ACAD9: variants seen among roughly 807,000 people sequenced by gnomAD.
The protein encoded by ACAD9 is acyl-CoA dehydrogenase family member 9.
In ACAD9, 53 loss-of-function variants were observed where a neutral mutation model predicts 70.2. The observed-to-expected ratio is 0.75, with a 90% CI of 0.61 to 0.95. The LOEUF (loss-of-function observed/expected upper bound fraction) is 0.95, where lower values mean the gene tolerates loss of function less well. ACAD9 is among the 40% of genes least tolerant of loss of function. The pLI is 0.00. For missense variants in ACAD9, 777 were observed against 802.8 expected, an observed-to-expected ratio of 0.97 and a Z score of 0.39; for synonymous variants, 313 against 312.1, an observed-to-expected ratio of 1.00 and a Z score of -0.03.
chr3:128,891,965 A>C lies in ACAD9; in HGVS notation c.245-1590A>C, dbSNP rs189722425. On this transcript the variant is annotated intron_variant, in intron 2 of 17. Transcript: ENST00000308982. ...ACCCATACAGTGAATACTGAACAACAAAAAGTAATGAAGTATTTATACACG... is the reference window on the plus strand; with the variant it reads ...ACCCATACAGTGAATACTGAACAACCAAAAGTAATGAAGTATTTATACACG... 3.4e-3 allele frequency among the ~76,000 whole-genome samples: 518 copies of C among 152,374 alleles called. 4 individuals carry two copies. Among genetic ancestry groups the C allele is most frequent in the African/African-American group, 0.012 (497 of 41,580 alleles).
intron 6 of ACAD9, among the ~76,000 whole-genome samples, chr3:128,899,056 C>T (rs1347150688): frequency 6.6e-6 from 1 of 152,090 alleles, no homozygotes; most frequent in Non-Finnish European, 1.5e-5. Context: ...CTTTCCCCCG[C>T]CCCCGCCTCC....
intron 14 of ACAD9, 115 bp downstream of exon 14, chr3:128,909,214 C>T (rs766651612): frequency 6.3e-7 from 1 of 1,594,604 alleles, no homozygotes; most frequent in Non-Finnish European, 8.6e-7. Flanking sequence ...AGTTGGGGAA[C>T]ACCAGCTAGT....
intron 3 of ACAD9, among the ~76,000 whole-genome samples, chr3:128,894,712 T>C (rs1276146698): frequency 6.6e-6 from 1 of 151,890 alleles, no homozygotes; most frequent in East Asian, 1.9e-4. Context: ...ATTTTTTTTA[T>C]TTTGTAGAGC....
In ACAD9 at chr3:128,903,930, G is replaced by C. The variant is rs140982318; in HGVS notation, c.959-132G>C. 4.8e-3 allele frequency: 4,386 copies of C among 923,212 alleles called. 17 individuals carry two copies. Among genetic ancestry groups the C allele is most frequent in the Admixed American group, 9.2e-3 (464 of 50,218 alleles). 57.2% of individuals were successfully genotyped at this position (923,212 alleles called of 1,614,324 possible). ...TGGCAAGTGGGGGTGCCAGCTTCTG[G>C]GGTATTTGACCTCAGCAGACACGCT... On this transcript the variant is annotated intron_variant, in intron 9 of 17. Transcript: ENST00000308982.
intron 7 of ACAD9, among the ~76,000 whole-genome samples, chr3:128,900,369 C>T (rs961228380): frequency 1.3e-5 from 2 of 152,210 alleles, no homozygotes; most frequent in African/African-American, 4.8e-5. Flanking sequence ...TCCCGAATAG[C>T]TGGGACTACA....
chr3:128,910,661 G>C, intron 16 of ACAD9, 80 bp from the exon 17 acceptor site: 1 of 1,238,092 alleles, frequency 8.1e-7, no homozygotes, highest in Non-Finnish European at 1.2e-6. Flanking sequence ...ACCCAGTTTG[G>C]CTGATAGGCT....
rs545252038 is a variant in ACAD9, at chr3:128,883,246, C to T, written c.151-1407C>T. Among the ~76,000 whole-genome samples the T allele has an allele frequency of 3.0e-3, 463 of 151,818 alleles. 1 individual carries two copies. Among genetic ancestry groups the T allele is most frequent in the African/African-American group, 0.011 (440 of 41,398 alleles). On this transcript the variant is annotated intron_variant, in intron 1 of 17. Coordinates refer to ENST00000308982, the MANE Select transcript of ACAD9 (RefSeq NM_014049.5). ...CTGGAACTACAGGCGTGTGCAACCA[C>T]GCCCAGGCTGGTTTTGAACTCCTGG...
At chr3:128,896,403 C>G in intron 4 of ACAD9, 33 bp from the exon 5 acceptor site, 1 of 1,597,092 alleles carries the variant, frequency 6.3e-7, no homozygotes, top group Non-Finnish European at 8.6e-7. Context: ...TTTCTCCCCA[C>G]AGCTGACATT....
chr3:128,909,417 G>T lies in ACAD9; in HGVS notation c.1559G>T (p.Gly520Val). Reference sequence around the variant, plus strand: ...GTGGAGACACTGCTGCTCCGCTTTGGCAAGGTAACCAGGCCCTCCCAGGCC... The same window carrying T: ...GTGGAGACACTGCTGCTCCGCTTTGTCAAGGTAACCAGGCCCTCCCAGGCC... ...RTVETLLLRFGKTIMEEQLVL... is the reference protein window; with the variant it reads ...RTVETLLLRFVKTIMEEQLVL... Residue 520 changes from glycine (G) to valine (V), a missense_variant, in exon 15 of 18, where the codon GGC (glycine) becomes GTC (valine). Physicochemically the swap from Gly to Val is moderately radical, Grantham distance 109. Coordinates refer to ENST00000308982, the MANE Select transcript of ACAD9 (RefSeq NM_014049.5). 1 of 1,614,068 alleles carries T rather than the reference G, an allele frequency of 6.2e-7. No individual in the cohort carries two copies. Among genetic ancestry groups the T allele is most frequent in the Non-Finnish European group, 8.5e-7 (1 of 1,180,048 alleles).
chr3:128,906,401 A>C, intron 12 of ACAD9, 152 bp downstream of exon 12: 1 of 1,214,446 alleles, frequency 8.2e-7, no homozygotes. Flanking sequence ...CTCCTTCCCG[A>C]CTGCTGCCCT....
In ACAD9 at chr3:128,910,646, A is replaced by G. The variant is rs186722660; in HGVS notation, c.1693-95A>G. ...TGTGCCAGGCCTTGTGACCCCTGCC[A>G]TGCTACCCAGTTTGGCTGATAGGCT... On this transcript the variant is annotated intron_variant, in intron 16 of 17. Coordinates refer to ENST00000308982, the MANE Select transcript of ACAD9 (RefSeq NM_014049.5). 9 of 1,359,974 alleles carry G rather than the reference A, an allele frequency of 6.6e-6. No homozygotes were observed. The Admixed American group carries it at 6.8e-5, about 10-fold the overall frequency. 84.2% of individuals were successfully genotyped at this position (1,359,974 alleles called of 1,614,324 possible).
intron 2 of ACAD9, among the ~76,000 whole-genome samples, chr3:128,886,782 G>GA (rs1407385646): frequency 1.3e-5 from 2 of 150,812 alleles, no homozygotes; most frequent in Non-Finnish European, 2.9e-5. Flanking sequence ...GACATTGGTT[G>GA]AAAGTTATGC....
chr3:128,904,634 C>G, intron 11 of ACAD9, 129 bp downstream of exon 11: 2 of 1,459,984 alleles, frequency 1.4e-6, no homozygotes, highest in East Asian at 2.5e-5. Flanking sequence ...TTATGATGCA[C>G]TTGCCCTGTG....
chr3:128,905,167 A>G (rs1340882459), intron 11 of ACAD9, among the ~76,000 whole-genome samples: 2 of 152,120 alleles, frequency 1.3e-5, no homozygotes, highest in Non-Finnish European at 2.9e-5. Flanking sequence ...ACAAAAAACA[A>G]AAAACATGTA....
chr3:128,909,115 A>G lies in ACAD9; in HGVS notation c.1485+16A>G. The G allele has an allele frequency of 6.2e-7, 1 of 1,613,796 alleles. No individual in the cohort carries two copies. The highest frequency in any genetic ancestry group is 8.5e-7 in the Non-Finnish European group (1 of 1,179,976). On this transcript the variant is annotated intron_variant, in intron 14 of 17. Transcript: ENST00000308982. ...CAGTCTTGCGGTGAGTGGGCCTAACAGGCATACCCCCTATTTCAATGCCCT... is the reference window on the plus strand; with the variant it reads ...CAGTCTTGCGGTGAGTGGGCCTAACGGGCATACCCCCTATTTCAATGCCCT...
At chr3:128,910,306 A>G in intron 16 of ACAD9, 157 bp downstream of exon 16, 1 of 1,494,852 alleles carries the variant, frequency 6.7e-7, no homozygotes, top group South Asian at 1.3e-5. Context: ...TGCTCAGGAG[A>G]TGGGGCTGTT....
chr3:128,903,340 C>G (rs1438816922), intron 9 of ACAD9, among the ~76,000 whole-genome samples: 1 of 152,148 alleles, frequency 6.6e-6, no homozygotes, highest in African/African-American at 2.4e-5. Flanking sequence ...GCGATTTGTT[C>G]CAGACTGTGC....
At position 128,909,338 on chromosome 3, in the gene ACAD9, T is replaced by G. The variant is rs1216154144; in HGVS notation, c.1486-6T>G. On this transcript the variant is annotated splice_region_variant and splice_polypyrimidine_tract_variant and intron_variant, in intron 14 of 17. Coordinates refer to ENST00000308982, the MANE Select transcript of ACAD9 (RefSeq NM_014049.5). The stretch of plus-strand genomic sequence containing the variant: ...GTGCTGAACTGAGTCCTGTCTTGGT[T>G]AATAGGACAGTGCCAACAAGTTTGA... 1.2e-6 allele frequency: 2 copies of G among 1,614,018 alleles called. No individual in the cohort carries two copies. Among genetic ancestry groups the G allele is most frequent in the Non-Finnish European group, 1.7e-6 (2 of 1,180,000 alleles).
intron 5 of ACAD9, among the ~76,000 whole-genome samples, chr3:128,897,102 A>G (rs937093742): frequency 3.3e-5 from 5 of 152,188 alleles, no homozygotes; most frequent in Non-Finnish European, 7.3e-5. Context: ...ACCTAAGCCC[A>G]AGTTGTTTTC....
Sources: gnomAD v4.1 joint callset for allele counts (sites outside exome capture counted in the v4.1 genomes callset) on GRCh38, gnomAD v4.1.1 for gene constraint, MANE v1.5 for transcripts, NCBI Gene and HGNC (gene_info 2026-07-23, HGNC 2026-07-21) for gene names.